WWP2: variants seen among roughly 807,000 people sequenced by gnomAD.
The protein encoded by WWP2 is NEDD4-like E3 ubiquitin-protein ligase WWP2.
WWP2 carries 57 observed loss-of-function variants against 121.0 expected under a neutral mutation model. That is an observed-to-expected ratio of 0.47 (90% CI 0.38 to 0.59). WWP2 has a LOEUF of 0.59. Among genes scored for constraint, WWP2 ranks in the 20% least tolerant of loss-of-function variants. The probability of loss-of-function intolerance (pLI) is 0.00; values close to 1 mark genes in which losing one functional copy is unlikely to be tolerated. For synonymous variants in WWP2, 449 were observed against 441.3 expected (o/e 1.02, Z -0.22); for missense variants, 962 against 1,158.9 (o/e 0.83, Z 2.47).
intron 6 of WWP2, among the ~76,000 whole-genome samples, chr16:69,861,413 C>T (rs1444121376): frequency 6.6e-6 from 1 of 152,170 alleles, no homozygotes; most frequent in Non-Finnish European, 1.5e-5. Flanking sequence ...GAAGGTTGCT[C>T]TGTACTCTAG....
rs1386992308 is a variant in WWP2 at position 69,785,229 on chromosome 16, C to CA, written c.-15-1753dup. Among the ~76,000 whole-genome samples the CA allele has an allele frequency of 5.5e-3, 618 of 112,364 alleles. 5 individuals are homozygous for CA. The highest frequency in any genetic ancestry group is 0.033 in the South Asian group (116 of 3,494). The allele number at this position is 112,364 out of a possible 152,430, so 73.7% of individuals were successfully genotyped here. A position where few individuals can be genotyped will look rare whatever the true frequency, so the allele number is the denominator to read the frequency against. ...CCAGCTTAGGTGTGTGAGACTGTCT[C>CA]AAAAAAAAAAAAAAGACAAAAGACA... On this transcript the variant is annotated intron_variant, in intron 1 of 23. Coordinates refer to ENST00000359154, the MANE Select transcript of WWP2 (RefSeq NM_001270454.2).
chr16:69,884,109 TG>T (rs1258809398), intron 7 of WWP2, among the ~76,000 whole-genome samples: 1 of 152,228 alleles, frequency 6.6e-6, no homozygotes, highest in East Asian at 1.9e-4. Flanking sequence ...AAGATATTCT[TG>T]GAATATACAA....
chr16:69,843,125 G>T (rs1175354510), intron 6 of WWP2, among the ~76,000 whole-genome samples: 1 of 152,126 alleles, frequency 6.6e-6, no homozygotes, highest in African/African-American at 2.4e-5. Flanking sequence ...CGGGGCTGCA[G>T]CCACAGTTAT....
intron 11 of WWP2, among the ~76,000 whole-genome samples, chr16:69,927,617 T>A (rs541515644): frequency 1.3e-5 from 2 of 152,090 alleles, no homozygotes; most frequent in African/African-American, 4.8e-5. Context: ...GCTGGACAGA[T>A]CCCCCTGGCC....
intron 6 of WWP2, among the ~76,000 whole-genome samples, chr16:69,856,663 A>G (rs533789032): frequency 1.4e-3 from 206 of 151,986 alleles, no homozygotes; most frequent in African/African-American, 4.8e-3. Context: ...AGTCTCAGCT[A>G]CTCGGGAGGC....
intron 4 of WWP2, among the ~76,000 whole-genome samples, chr16:69,803,390 A>G (rs774134998): frequency 1.3e-5 from 2 of 151,826 alleles, no homozygotes; most frequent in Non-Finnish European, 2.9e-5. Context: ...ATCTTACACA[A>G]TTACTGTATC....
intron 10 of WWP2, among the ~76,000 whole-genome samples, chr16:69,922,207 C>T (rs1296300279): frequency 6.6e-6 from 1 of 151,622 alleles, no homozygotes; most frequent in African/African-American, 2.4e-5. Flanking sequence ...ATTGAATTCT[C>T]AAGCACCTGG....
intron 7 of WWP2, among the ~76,000 whole-genome samples, chr16:69,880,076 G>A (rs981268110): frequency 2.0e-5 from 3 of 150,336 alleles, no homozygotes; most frequent in Non-Finnish European, 4.4e-5. Flanking sequence ...ATGATGTTAC[G>A]TTATCAAAAT....
At chr16:69,887,284 C>CT (rs931771870) in intron 7 of WWP2, among the ~76,000 whole-genome samples, 1 of 152,176 alleles carries the variant, frequency 6.6e-6, no homozygotes, top group Non-Finnish European at 1.5e-5. Context: ...TTTTCTGCCT[C>CT]TTTAGTGTGT....
chr16:69,908,742 C>T lies in WWP2; in HGVS notation c.915-19C>T. 1 of 1,613,910 alleles carries T rather than the reference C, an allele frequency of 6.2e-7. No homozygotes were observed. The highest frequency in any genetic ancestry group is 8.5e-7 in the Non-Finnish European group (1 of 1,179,874). ...CTTTCCACTGTGTGTCTCATGCTAC[C>T]CTTGACTTTATTTTTCAGATGGGAA... On this transcript the variant is annotated intron_variant, in intron 8 of 23. Transcript: ENST00000359154.
At chr16:69,806,122 G>A (rs1234632444) in intron 4 of WWP2, among the ~76,000 whole-genome samples, 2 of 152,130 alleles carry the variant, frequency 1.3e-5, no homozygotes, top group Non-Finnish European at 2.9e-5. Flanking sequence ...GATCACTTGA[G>A]TCCAGGATTC....
At chr16:69,926,361 A>G (rs904806) in intron 11 of WWP2, among the ~76,000 whole-genome samples, 121,854 of 152,064 alleles carry the variant, frequency 0.8, 49,248 homozygotes, top group East Asian at 0.96. Context: ...TGGTTAGGCC[A>G]GCAGAAGACG....
intron 7 of WWP2, among the ~76,000 whole-genome samples, chr16:69,883,725 C>G (rs999380045): frequency 6.6e-6 from 1 of 152,110 alleles, no homozygotes; most frequent in Non-Finnish European, 1.5e-5. Context: ...TCTCCCTCCC[C>G]GCACCCCACC....
chr16:69,778,088 TATACAC>T (rs1382376917), intron 1 of WWP2, among the ~76,000 whole-genome samples: 2 of 140,810 alleles, frequency 1.4e-5, no homozygotes, highest in African/African-American at 2.6e-5. Context: ...TATATATATA[TATACAC>T]ACACACACAC....
At chr16:69,832,800 C>T (rs1304075656) in intron 4 of WWP2, among the ~76,000 whole-genome samples, 1 of 152,198 alleles carries the variant, frequency 6.6e-6, no homozygotes, top group Non-Finnish European at 1.5e-5. Flanking sequence ...GCCTTGGCCT[C>T]CCAAAGTGCT....
intron 1 of WWP2, among the ~76,000 whole-genome samples, chr16:69,771,601 G>A (rs927066534): frequency 1.3e-5 from 2 of 152,146 alleles, no homozygotes; most frequent in African/African-American, 4.8e-5. Context: ...ATCCAACTTT[G>A]TTCTTTTTCA....
At chr16:69,778,892 G>A (rs1377725386) in intron 1 of WWP2, among the ~76,000 whole-genome samples, 1 of 149,358 alleles carries the variant, frequency 6.7e-6, no homozygotes, top group African/African-American at 2.5e-5. Context: ...CCGCATGCCT[G>A]AGCCTCCCAA....
chr16:69,820,462 T>G (rs1428863223), intron 4 of WWP2, among the ~76,000 whole-genome samples: 1 of 135,268 alleles, frequency 7.4e-6, no homozygotes, highest in Non-Finnish European at 1.7e-5. Flanking sequence ...CAGGCTGGTC[T>G]TGAAATCCTG....
chr16:69,803,511 T>A (rs1295716226), intron 4 of WWP2, among the ~76,000 whole-genome samples: 1 of 152,232 alleles, frequency 6.6e-6, no homozygotes, highest in African/African-American at 2.4e-5. Context: ...TTTGGTTTGC[T>A]TGAACCTGGG....
Sources: allele counts gnomAD v4.1 joint callset (sites outside exome capture counted in the v4.1 genomes callset), GRCh38; gene constraint gnomAD v4.1.1; transcripts MANE v1.5; gene names NCBI Gene and HGNC (gene_info 2026-07-23, HGNC 2026-07-21).